The following GMDS variants were observed in gnomAD, a reference collection of about 807,000 sequenced individuals.
GMDS encodes the protein GDP-mannose 4,6-dehydratase, also known as GDP-mannose 4,6 dehydratase.
In GMDS, 20 loss-of-function variants were observed where a neutral mutation model predicts 49.9. That is an observed-to-expected ratio of 0.40 (90% confidence interval 0.28 to 0.58). The LOEUF (loss-of-function observed/expected upper bound fraction) is 0.58. Among genes scored for constraint, GMDS ranks in the 20% least tolerant of loss-of-function variants. GMDS has a pLI of 0.42. For synonymous variants in GMDS, 177 were observed against 178.6 expected, an observed-to-expected ratio of 0.99 and a Z score of 0.07; for missense variants, 362 against 481.4, an observed-to-expected ratio of 0.75 and a Z score of 2.32.
intron 7 of GMDS, among the ~76,000 whole-genome samples, chr6:1,900,663 G>C (rs1425620585): frequency 6.6e-6 from 1 of 152,176 alleles, no homozygotes; most frequent in African/African-American, 2.4e-5. Context: ...AATGTGACAA[G>C]AAGAGACAGT....
chr6:2,028,065 A>G (rs1166573353), intron 4 of GMDS, among the ~76,000 whole-genome samples: 1 of 152,220 alleles, frequency 6.6e-6, no homozygotes, highest in African/African-American at 2.4e-5. Flanking sequence ...CCTTAAAAAA[A>G]TCTAGCTTGT....
At chr6:1,666,259 C>T (rs1410012454) in intron 9 of GMDS, among the ~76,000 whole-genome samples, 4 of 152,176 alleles carry the variant, frequency 2.6e-5, no homozygotes, top group Non-Finnish European at 5.9e-5. Context: ...CTCCCCTGCA[C>T]CACAGTACCT....
chr6:1,947,817 C>T (rs2628441), intron 6 of GMDS, among the ~76,000 whole-genome samples: 105,503 of 152,134 alleles, frequency 0.69, 36,886 homozygotes, highest in East Asian at 0.83. Flanking sequence ...CAATATCCCA[C>T]AAGTTACTTT....
chr6:1,694,773 G>A (rs1419275691), intron 9 of GMDS, among the ~76,000 whole-genome samples: 4 of 152,122 alleles, frequency 2.6e-5, no homozygotes, highest in Admixed American at 2.6e-4. Context: ...CATAAACTTA[G>A]AAAAAGCTTA....
In GMDS at chr6:1,698,486, T is replaced by A. The variant is rs796603095; in HGVS notation, c.987+27930A>T. ...TTCTGTTTCCAGAAAGAGTTGAGTA[T>A]TTTGTGGTGGCTTCTTTCATCTCTG... On this transcript the variant is annotated intron_variant, in intron 9 of 10. Coordinates refer to ENST00000380815, the MANE Select transcript of GMDS (RefSeq NM_001500.4). Among the ~76,000 whole-genome samples the A allele has an allele frequency of 2.0e-5, 3 of 152,316 alleles. No individual in the cohort carries two copies. In the South Asian group the frequency reaches 6.2e-4, roughly 32 times the overall value.
At chr6:2,229,429 T>C (rs887719384) in intron 1 of GMDS, among the ~76,000 whole-genome samples, 1 of 96,292 alleles carries the variant, frequency 1.0e-5, no homozygotes, top group Non-Finnish European at 2.1e-5. Flanking sequence ...AAAAAAAAAA[T>C]ACAAAAATGA....
rs1414112421 is a variant in GMDS, at chr6:2,191,709, G to A, written c.102+53612C>T. The stretch of plus-strand genomic sequence containing the variant: ...CAGACTCTGTGTGCTGACAAGCATG[G>A]GATGTGGAACCTAGGGGGACACTGA... On this transcript the variant is annotated intron_variant, in intron 1 of 10. Coordinates refer to ENST00000380815, the MANE Select transcript of GMDS (RefSeq NM_001500.4). The surrounding 1 kb of genome is among the most constrained non-coding windows in gnomAD (Gnocchi z 4.6). 2.0e-5 allele frequency among the ~76,000 whole-genome samples: 3 copies of A among 152,236 alleles called. No homozygotes were observed. The highest frequency in any genetic ancestry group is 2.9e-5 in the Non-Finnish European group (2 of 68,034).
At chr6:2,190,960 C>T (rs1778987173) in intron 1 of GMDS, among the ~76,000 whole-genome samples, 2 of 152,108 alleles carry the variant, frequency 1.3e-5, no homozygotes, top group African/African-American at 4.8e-5. Flanking sequence ...GGCTCCGGAC[C>T]CTAGCCCCAC....
At chr6:2,046,512 G>T (rs1244929591) in intron 4 of GMDS, among the ~76,000 whole-genome samples, 2 of 152,018 alleles carry the variant, frequency 1.3e-5, no homozygotes, top group African/African-American at 4.8e-5. Context: ...TAGGTTGGAG[G>T]GCAGTTATGC....
chr6:1,739,149 G>C (rs1379287565), intron 8 of GMDS, among the ~76,000 whole-genome samples: 1 of 152,072 alleles, frequency 6.6e-6, no homozygotes, highest in African/African-American at 2.4e-5. Context: ...AGTTTTTTTT[G>C]ACAGCATATG....
chr6:2,106,351 C>T (rs987515105), intron 4 of GMDS, among the ~76,000 whole-genome samples: 2 of 152,084 alleles, frequency 1.3e-5, no homozygotes, highest in African/African-American at 4.8e-5. Context: ...AAGGATCCAA[C>T]TTTAACAAGG....
chr6:2,019,188 T>C (rs1166126369), intron 4 of GMDS, among the ~76,000 whole-genome samples: 1 of 151,300 alleles, frequency 6.6e-6, no homozygotes, highest in African/African-American at 2.4e-5. Flanking sequence ...TCAGCTGAAA[T>C]AATTTTTAGT....
chr6:2,044,258 C>T (rs1303777462), intron 4 of GMDS, among the ~76,000 whole-genome samples: 1 of 152,212 alleles, frequency 6.6e-6, no homozygotes, highest in Non-Finnish European at 1.5e-5. Flanking sequence ...AAGACACATG[C>T]ACGCATATGT....
intron 9 of GMDS, among the ~76,000 whole-genome samples, chr6:1,683,089 A>G (rs946270800): frequency 2.0e-5 from 3 of 152,104 alleles, no homozygotes; most frequent in African/African-American, 7.2e-5. Context: ...ACTGGCTCCT[A>G]CAGCACACAT....
intron 9 of GMDS, among the ~76,000 whole-genome samples, chr6:1,654,963 A>G (rs1277513843): frequency 1.3e-5 from 2 of 151,358 alleles, no homozygotes; most frequent in African/African-American, 2.4e-5. Context: ...CGGGAGACTG[A>G]GGCAGGAGAA....
chr6:2,098,251 T>A (rs1773722727), intron 4 of GMDS, among the ~76,000 whole-genome samples: 1 of 152,140 alleles, frequency 6.6e-6, no homozygotes, highest in Non-Finnish European at 1.5e-5. Context: ...AGAGATGGTG[T>A]TTCGCCATGT....
chr6:2,118,190 G>A (rs962546365), intron 2 of GMDS, among the ~76,000 whole-genome samples: 2 of 151,730 alleles, frequency 1.3e-5, no homozygotes, highest in African/African-American at 4.8e-5. Context: ...TTAACCATAG[G>A]TGGGGGGTGG....
intron 7 of GMDS, among the ~76,000 whole-genome samples, chr6:1,883,533 C>T (rs932115332): frequency 3.9e-5 from 6 of 152,154 alleles, no homozygotes; most frequent in African/African-American, 1.4e-4. Context: ...GAACCTTCCA[C>T]ATATATTATA....
At chr6:1,826,252 G>A (rs1038962129) in intron 7 of GMDS, among the ~76,000 whole-genome samples, 4 of 152,166 alleles carry the variant, frequency 2.6e-5, no homozygotes, top group African/African-American at 9.7e-5. Context: ...GTCACTACAT[G>A]ATTAAACAAT....
Sources: gnomAD v4.1 joint callset for allele counts (sites outside exome capture counted in the v4.1 genomes callset) on GRCh38, gnomAD v4.1.1 for gene constraint, Gnocchi (gnomAD v3.1) non-coding constraint, MANE v1.5 for transcripts, NCBI Gene and HGNC (gene_info 2026-07-23, HGNC 2026-07-21) for gene names.